Variants in SNTG1 observed in about 807,000 individuals in gnomAD.
The protein encoded by SNTG1 is gamma-1-syntrophin.
In SNTG1, 39 loss-of-function variants were observed where a neutral mutation model predicts 74.7. That is an observed-to-expected ratio of 0.52 (90% CI 0.40 to 0.68). The LOEUF (loss-of-function observed/expected upper bound fraction) is 0.68. Among genes scored for constraint, SNTG1 ranks in the 30% least tolerant of loss-of-function variants. The probability of loss-of-function intolerance (pLI) is 0.00; values close to 1 mark genes in which losing one functional copy is unlikely to be tolerated. For synonymous variants in SNTG1, 254 were observed against 217.1 expected, an observed-to-expected ratio of 1.17 and a Z score of -1.49; for missense variants, 685 against 609.5, an observed-to-expected ratio of 1.12 and a Z score of -1.30.
chr8:50,310,803 T>G (rs1202704341), intron 2 of SNTG1, among the ~76,000 whole-genome samples: 2 of 152,196 alleles, frequency 1.3e-5, no homozygotes, highest in Admixed American at 1.3e-4. Flanking sequence ...GTTAAACAAT[T>G]AGTATTGTGA....
intron 8 of SNTG1, among the ~76,000 whole-genome samples, chr8:50,469,766 G>A (rs2093637171): frequency 6.6e-6 from 1 of 152,072 alleles, no homozygotes; most frequent in Non-Finnish European, 1.5e-5. Context: ...ATCTCTTCAG[G>A]CCAGGAGTTT....
intron 2 of SNTG1, among the ~76,000 whole-genome samples, chr8:50,210,831 A>G (rs560687871): frequency 3.3e-5 from 5 of 152,230 alleles, no homozygotes; most frequent in Non-Finnish European, 7.3e-5. Flanking sequence ...AATTCATGTT[A>G]TGATACTTTA....
At chr8:50,422,550 G>A (rs2093105453) in intron 4 of SNTG1, among the ~76,000 whole-genome samples, 1 of 152,062 alleles carries the variant, frequency 6.6e-6, no homozygotes, top group African/African-American at 2.4e-5. Flanking sequence ...CCATGCAGGA[G>A]ACAGAATTAT....
chr8:50,088,723 G>A (rs1319349977), intron 1 of SNTG1, among the ~76,000 whole-genome samples: 2 of 145,144 alleles, frequency 1.4e-5, no homozygotes, highest in Non-Finnish European at 3.1e-5. Flanking sequence ...TCTTCAAGGA[G>A]AACTACAAAC....
intron 2 of SNTG1, among the ~76,000 whole-genome samples, chr8:50,293,805 T>G (rs1299761721): frequency 1.3e-5 from 2 of 152,136 alleles, no homozygotes; most frequent in Non-Finnish European, 2.9e-5. Context: ...TATATAAAAC[T>G]GTGTAGTATA....
Position 50,423,797 on chromosome 8 carries a change from G to A in SNTG1, c.163-14746G>A, listed in dbSNP as rs1174064948. ...AATATAATAAAACCTATGGAAATTG[G>A]CCAAAAAATGTGATGAGATGAGACT... On this transcript the variant is annotated intron_variant, in intron 4 of 18. Coordinates refer to ENST00000642720, the MANE Select transcript of SNTG1 (RefSeq NM_018967.5). Among the ~76,000 whole-genome samples the A allele has an allele frequency of 2.0e-5, 3 of 152,036 alleles. No individual in the cohort carries two copies. In the East Asian group the frequency reaches 5.8e-4, roughly 29 times the overall value.
At chr8:50,446,379 C>CA (rs10679057) in intron 5 of SNTG1, among the ~76,000 whole-genome samples, 12,817 of 145,652 alleles carry the variant, frequency 0.088, 676 homozygotes, top group African/African-American at 0.14. Context: ...AATTTAAAAG[C>CA]AAAAAAAAAA....
At chr8:50,167,317 A>G (rs1157583226) in intron 1 of SNTG1, among the ~76,000 whole-genome samples, 1 of 147,698 alleles carries the variant, frequency 6.8e-6, no homozygotes, top group Non-Finnish European at 1.5e-5. Context: ...AATAAAAAAA[A>G]TAAAATAAAA....
chr8:50,147,304 CA>C (rs1563658001), intron 1 of SNTG1, among the ~76,000 whole-genome samples: 1 of 152,062 alleles, frequency 6.6e-6, no homozygotes. Flanking sequence ...AAATGTATAA[CA>C]AACTTCACTG....
At chr8:50,743,616 T>C (rs534725606) in intron 17 of SNTG1, among the ~76,000 whole-genome samples, 1 of 151,792 alleles carries the variant, frequency 6.6e-6, no homozygotes, top group African/African-American at 2.4e-5. Context: ...TGACATGGTA[T>C]TATTGACAGT....
intron 11 of SNTG1, among the ~76,000 whole-genome samples, chr8:50,540,179 A>G (rs1272561572): frequency 6.6e-6 from 1 of 152,212 alleles, no homozygotes; most frequent in Non-Finnish European, 1.5e-5. Context: ...TGTCTTGGCC[A>G]GAATAAGAAA....
intron 1 of SNTG1, among the ~76,000 whole-genome samples, chr8:50,128,373 CAG>C (rs2081211686): frequency 6.6e-6 from 1 of 152,060 alleles, no homozygotes; most frequent in Non-Finnish European, 1.5e-5. Context: ...TTTAGCTAGA[CAG>C]AGCGTATAGA....
intron 1 of SNTG1, among the ~76,000 whole-genome samples, chr8:50,089,599 C>A (rs1272722373): frequency 1.3e-5 from 2 of 152,104 alleles, no homozygotes; most frequent in Non-Finnish European, 2.9e-5. Context: ...GGGCGAAAGA[C>A]ATGAACAGAC....
intron 2 of SNTG1, among the ~76,000 whole-genome samples, chr8:50,325,328 C>A (rs1198469977): frequency 1.3e-5 from 2 of 151,738 alleles, no homozygotes; most frequent in African/African-American, 2.4e-5. Flanking sequence ...GACATCTTGA[C>A]AATTGAGTCT....
intron 2 of SNTG1, among the ~76,000 whole-genome samples, chr8:50,350,332 T>C (rs1163264674): frequency 6.6e-6 from 1 of 152,116 alleles, no homozygotes; most frequent in African/African-American, 2.4e-5. Flanking sequence ...GGCAGGCAGC[T>C]CCACCTGTGG....
At chr8:50,748,477 C>T (rs545736783) in intron 17 of SNTG1, among the ~76,000 whole-genome samples, 3 of 152,032 alleles carry the variant, frequency 2.0e-5, no homozygotes, top group Non-Finnish European at 4.4e-5. Flanking sequence ...TTAACTATAA[C>T]TTGCTCTTCA....
intron 13 of SNTG1, among the ~76,000 whole-genome samples, chr8:50,627,549 C>T (rs1045624641): frequency 6.6e-6 from 1 of 152,028 alleles, no homozygotes; most frequent in African/African-American, 2.4e-5. Flanking sequence ...ATAAATTCCC[C>T]AGTGTTAGGC....
intron 8 of SNTG1, among the ~76,000 whole-genome samples, chr8:50,467,256 TAAATATGTGATATAATTTACTAACG>T (rs2093615830): frequency 6.6e-6 from 1 of 151,966 alleles, no homozygotes; most frequent in Non-Finnish European, 1.5e-5. Flanking sequence ...ATTTCTTCAT[TAAATATGTGATATAATTTACTAACG>T]AAACTCTAGA....
At chr8:50,790,743 T>C (rs535798694) in intron 18 of SNTG1, among the ~76,000 whole-genome samples, 1 of 149,906 alleles carries the variant, frequency 6.7e-6, no homozygotes, top group East Asian at 1.9e-4. Flanking sequence ...TCAAAATGGG[T>C]ATAAAAAGTT....
Sources: gnomAD v4.1 joint callset for allele counts (sites outside exome capture counted in the v4.1 genomes callset) on GRCh38, gnomAD v4.1.1 for gene constraint, MANE v1.5 for transcripts, NCBI Gene and HGNC (gene_info 2026-07-23, HGNC 2026-07-21) for gene names.